ARHGAP24: variants seen among roughly 807,000 people sequenced by gnomAD.
ARHGAP24 encodes the protein rho GTPase-activating protein 24.
A neutral mutation model predicts 76.4 loss-of-function variants in ARHGAP24; 50 were observed. The observed-to-expected ratio is 0.65, with a 90% CI of 0.52 to 0.83. The LOEUF is 0.83. ARHGAP24 is among the 40% of genes least tolerant of loss of function. ARHGAP24 has a pLI of 0.00. For synonymous variants in ARHGAP24, 345 were observed against 323.3 expected (o/e 1.07, Z -0.72); for missense variants, 930 against 914.2 (o/e 1.02, Z -0.22).
At position 85,995,289 on chromosome 4, in the gene ARHGAP24, T is replaced by G. The variant is rs1373748167; in HGVS notation, c.1635T>G (p.Asp545Glu). The stretch of plus-strand genomic sequence containing the variant: ...AACAGTTCTCCATGATGAACCTTGA[T>G]GACAAGCAGAGCATTGACAGTGCTA... ...VHQQFSMMNL[D>E]DKQSIDSATW... The change falls in exon 9 of 10, where the codon GAT becomes GAG. Residue 545 changes from aspartate (D) to glutamate (E), a missense_variant. Coordinates refer to ENST00000395184, the MANE Select transcript of ARHGAP24 (RefSeq NM_001025616.3). The G allele has an allele frequency of 1.2e-6, 2 of 1,613,942 alleles. No individual in the cohort carries two copies. Among genetic ancestry groups the G allele is most frequent in the Non-Finnish European group, 1.7e-6 (2 of 1,180,034 alleles).
chr4:85,566,709 C>T (rs757910146), intron 1 of ARHGAP24, among the ~76,000 whole-genome samples: 1 of 152,126 alleles, frequency 6.6e-6, no homozygotes, highest in Non-Finnish European at 1.5e-5. Context: ...TCCTTGACCT[C>T]GTGAAGCTTA....
At chr4:85,572,408 C>T (rs893680852) in intron 2 of ARHGAP24, among the ~76,000 whole-genome samples, 1 of 152,116 alleles carries the variant, frequency 6.6e-6, no homozygotes, top group Non-Finnish European at 1.5e-5. Flanking sequence ...GTTCCTCAAA[C>T]TAGAATTCAT....
chr4:85,782,381 C>T (rs72613146), intron 3 of ARHGAP24, among the ~76,000 whole-genome samples: 16,130 of 152,186 alleles, frequency 0.11, 1,908 homozygotes, highest in East Asian at 0.61. Flanking sequence ...TTTGAATACA[C>T]GCTTAGGAAG....
chr4:85,776,400 A>G (rs1727311004), intron 3 of ARHGAP24, among the ~76,000 whole-genome samples: 1 of 152,206 alleles, frequency 6.6e-6, no homozygotes, highest in South Asian at 2.1e-4. Context: ...GAGCATTCCC[A>G]GAGTAGGGCA....
intron 2 of ARHGAP24, among the ~76,000 whole-genome samples, chr4:85,706,997 C>T (rs1261971388): frequency 6.6e-6 from 1 of 151,466 alleles, no homozygotes; most frequent in Non-Finnish European, 1.5e-5. Context: ...TCACTGTAGC[C>T]TTGAACTCCT....
intron 2 of ARHGAP24, among the ~76,000 whole-genome samples, chr4:85,716,532 A>T (rs1457686758): frequency 6.6e-6 from 1 of 152,100 alleles, no homozygotes; most frequent in East Asian, 1.9e-4. Flanking sequence ...TCCTTGTTGT[A>T]CTTGAGCCTC....
At chr4:85,694,668 T>A (rs934712352) in intron 2 of ARHGAP24, among the ~76,000 whole-genome samples, 1 of 152,178 alleles carries the variant, frequency 6.6e-6, no homozygotes, top group African/African-American at 2.4e-5. Flanking sequence ...ACCCTCTGTG[T>A]GTGTGTGTGT....
At chr4:85,584,638 A>C (rs1005932854) in intron 2 of ARHGAP24, among the ~76,000 whole-genome samples, 3 of 152,294 alleles carry the variant, frequency 2.0e-5, no homozygotes, top group African/African-American at 7.2e-5. Flanking sequence ...CAATTGGCAA[A>C]ACGAGGCATA....
intron 2 of ARHGAP24, among the ~76,000 whole-genome samples, chr4:85,589,180 T>C (rs1219088737): frequency 6.6e-6 from 1 of 152,236 alleles, no homozygotes; most frequent in Non-Finnish European, 1.5e-5. Context: ...AGAATTGTGA[T>C]CTGGCCGATG....
In ARHGAP24 at chr4:85,942,266, T is replaced by C. The variant is rs1441919490; in HGVS notation, c.592T>C (p.Phe198Leu). ...DAFDCGEKPS[F>L]DSNTDVHTVA... ...CTTTGACTGTGGGGAGAAGCCATCA[T>C]TTGACAGGTAGATGTCACAATTTTA... The change falls in exon 5 of 10, where the codon TTT becomes CTT. Residue 198 changes from phenylalanine to leucine, a missense_variant. By Grantham distance (22) the Phe-to-Leu change is conservative. Transcript: ENST00000395184. The C allele has an allele frequency of 3.1e-6, 5 of 1,613,882 alleles. No homozygotes were observed. The highest frequency in any genetic ancestry group is 4.2e-6 in the Non-Finnish European group (5 of 1,179,988).
chr4:85,886,441 T>G (rs555578534), intron 3 of ARHGAP24, among the ~76,000 whole-genome samples: 1 of 152,240 alleles, frequency 6.6e-6, no homozygotes, highest in East Asian at 1.9e-4. Flanking sequence ...GATGAAGAAT[T>G]AGTGCACCAG....
chr4:85,823,020 G>A (rs1729547518), intron 3 of ARHGAP24, among the ~76,000 whole-genome samples: 1 of 152,144 alleles, frequency 6.6e-6, no homozygotes, highest in South Asian at 2.1e-4. Flanking sequence ...TTATAAGCAT[G>A]ACAAATTAAC....
At chr4:85,784,927 CTA>C (rs1560631862) in intron 3 of ARHGAP24, among the ~76,000 whole-genome samples, 5 of 149,816 alleles carry the variant, frequency 3.3e-5, no homozygotes, top group African/African-American at 1.3e-4. Flanking sequence ...ATCTATCTAT[CTA>C]TCTATCTATC....
intron 3 of ARHGAP24, among the ~76,000 whole-genome samples, chr4:85,842,497 C>G (rs1730654648): frequency 6.6e-6 from 1 of 152,156 alleles, no homozygotes; most frequent in South Asian, 2.1e-4. Flanking sequence ...TAAATGAAGT[C>G]TTCCAGGTCC....
intron 2 of ARHGAP24, among the ~76,000 whole-genome samples, chr4:85,679,869 A>G (rs1251199049): frequency 6.6e-6 from 1 of 152,140 alleles, no homozygotes; most frequent in East Asian, 1.9e-4. Flanking sequence ...TCAAAATTAC[A>G]TTATTTTGAA....
intron 3 of ARHGAP24, among the ~76,000 whole-genome samples, chr4:85,883,321 G>A (rs540983498): frequency 1.3e-5 from 2 of 152,264 alleles, no homozygotes; most frequent in African/African-American, 4.8e-5. Flanking sequence ...TTTTAACCAT[G>A]GCTAAATATT....
chr4:85,901,818 T>G (rs1388454553), intron 3 of ARHGAP24, among the ~76,000 whole-genome samples: 3 of 150,392 alleles, frequency 2.0e-5, no homozygotes, highest in Non-Finnish European at 3.0e-5. Context: ...TTTTTTTTTG[T>G]TTTTTTTTAC....
At chr4:85,957,291 G>T (rs1489783097) in intron 5 of ARHGAP24, among the ~76,000 whole-genome samples, 1 of 152,106 alleles carries the variant, frequency 6.6e-6, no homozygotes, top group African/African-American at 2.4e-5. Flanking sequence ...GGGGTAAAAG[G>T]GAATTTATAT....
intron 2 of ARHGAP24, among the ~76,000 whole-genome samples, chr4:85,586,629 G>A (rs1578057484): frequency 6.6e-6 from 1 of 152,190 alleles, no homozygotes; most frequent in East Asian, 1.9e-4. Flanking sequence ...GCCGGGCGTG[G>A]TGGCTCACAC....
Sources: gnomAD v4.1 joint callset for allele counts (sites outside exome capture counted in the v4.1 genomes callset) on GRCh38, gnomAD v4.1.1 for gene constraint, MANE v1.5 for transcripts, NCBI Gene and HGNC (gene_info 2026-07-23, HGNC 2026-07-21) for gene names.